SUPT3H: variants seen among roughly 807,000 people sequenced by gnomAD.
The protein encoded by SUPT3H is SPT3 homolog, SAGA and STAGA complex component.
In SUPT3H, 44 loss-of-function variants were observed where a neutral mutation model predicts 44.3. The ratio of observed to expected loss-of-function variants is 0.99; its 90% confidence interval spans 0.78 to 1.28. The LOEUF is 1.28. Ranked by LOEUF, SUPT3H falls within the 50% of genes most tolerant of loss-of-function variation. The probability of loss-of-function intolerance (pLI) is 0.00; values close to 1 mark genes in which losing one functional copy is unlikely to be tolerated. For synonymous variants in SUPT3H, 124 were observed against 125.6 expected (o/e 0.99, Z 0.09); for missense variants, 380 against 387.1 (o/e 0.98, Z 0.15).
chr6:45,184,826 A>G (rs1205041911), intron 2 of SUPT3H, among the ~76,000 whole-genome samples: 1 of 150,886 alleles, frequency 6.6e-6, no homozygotes, highest in Non-Finnish European at 1.5e-5. Context: ...CCTGTTCCTA[A>G]CTAGCAAAGC....
chr6:44,972,557 C>T (rs1031050355), intron 6 of SUPT3H, among the ~76,000 whole-genome samples: 2 of 152,212 alleles, frequency 1.3e-5, no homozygotes, highest in African/African-American at 4.8e-5. Flanking sequence ...GGCCCTTTTA[C>T]AGCTCTACTA....
intron 2 of SUPT3H, among the ~76,000 whole-genome samples, chr6:45,178,644 A>G (rs922364225): frequency 7.9e-4 from 120 of 152,280 alleles, no homozygotes; most frequent in Non-Finnish European, 1.0e-3. Flanking sequence ...ACCTGTTCCA[A>G]AATTGACCAC....
chr6:44,904,493 C>T (rs1273842986), intron 10 of SUPT3H, among the ~76,000 whole-genome samples: 2 of 152,108 alleles, frequency 1.3e-5, no homozygotes, highest in East Asian at 1.9e-4. Context: ...AGGAGAAGTA[C>T]AAACCACTGC....
At chr6:45,019,047 G>T (rs1784727353) in intron 4 of SUPT3H, among the ~76,000 whole-genome samples, 1 of 152,176 alleles carries the variant, frequency 6.6e-6, no homozygotes, top group Non-Finnish European at 1.5e-5. Flanking sequence ...TCTATTCAGA[G>T]ATTCAACTTC....
chr6:44,930,119 C>CT lies in SUPT3H; in HGVS notation c.912+2533dup, dbSNP rs201440773. On this transcript the variant is annotated intron_variant, in intron 10 of 10. Coordinates refer to ENST00000371459, the MANE Select transcript of SUPT3H (RefSeq NM_003599.4). ...TTAGGCTGGGCGAGGTGGCTCACGC[C>CT]TGTAATCCCAGCACTTTGGGAGGCT... is the stretch of plus-strand genomic sequence containing the variant. 5.3e-3 allele frequency among the ~76,000 whole-genome samples: 814 copies of CT among 152,230 alleles called. 8 individuals carry two copies. The highest frequency in any genetic ancestry group is 0.019 in the African/African-American group (770 of 41,530).
intron 3 of SUPT3H, among the ~76,000 whole-genome samples, chr6:45,044,559 A>G (rs1789077698): frequency 6.6e-6 from 1 of 152,158 alleles, no homozygotes; most frequent in South Asian, 2.1e-4. Flanking sequence ...CAGTCAATAT[A>G]TTACTTATTG....
chr6:44,930,644 G>C (rs1315749902), intron 10 of SUPT3H, among the ~76,000 whole-genome samples: 4 of 151,916 alleles, frequency 2.6e-5, no homozygotes, highest in African/African-American at 9.7e-5. Context: ...GAAAATGGAG[G>C]AGACCTTTCC....
chr6:44,905,001 C>A (rs1028107191), intron 10 of SUPT3H, among the ~76,000 whole-genome samples: 1 of 152,120 alleles, frequency 6.6e-6, no homozygotes, highest in Non-Finnish European at 1.5e-5. Flanking sequence ...CTTCCTTACA[C>A]CTTATACAAA....
chr6:45,252,531 G>A (rs942310564), intron 2 of SUPT3H, among the ~76,000 whole-genome samples: 8 of 151,798 alleles, frequency 5.3e-5, no homozygotes, highest in Non-Finnish European at 1.0e-4. Context: ...CTGTTCTGGC[G>A]CTGCAGTTCT....
intron 2 of SUPT3H, among the ~76,000 whole-genome samples, chr6:45,332,459 T>C (rs1463392063): frequency 6.6e-6 from 1 of 151,844 alleles, no homozygotes; most frequent in Admixed American, 6.6e-5. Context: ...CGTGCATACT[T>C]GAAAATTGAC....
intron 10 of SUPT3H, among the ~76,000 whole-genome samples, chr6:44,859,256 C>T (rs1039902018): frequency 6.6e-6 from 1 of 152,056 alleles, no homozygotes; most frequent in Non-Finnish European, 1.5e-5. Flanking sequence ...TAGACTAATC[C>T]AAAGCTATGT....
intron 2 of SUPT3H, among the ~76,000 whole-genome samples, chr6:45,171,154 T>A (rs1179422969): frequency 2.6e-5 from 4 of 152,204 alleles, no homozygotes; most frequent in Non-Finnish European, 5.9e-5. Flanking sequence ...TGTCCAAATT[T>A]CTGAAATGTA....
intron 2 of SUPT3H, among the ~76,000 whole-genome samples, chr6:45,330,243 A>G (rs1053724016): frequency 1.3e-4 from 19 of 151,956 alleles, no homozygotes; most frequent in African/African-American, 3.1e-4. Context: ...ACCAAGTATT[A>G]CTCTAAAAAC....
chr6:45,175,642 C>T (rs1189191858), intron 2 of SUPT3H, among the ~76,000 whole-genome samples: 1 of 151,970 alleles, frequency 6.6e-6, no homozygotes, highest in Non-Finnish European at 1.5e-5. Flanking sequence ...AATAAACTAA[C>T]AGATTTTGAA....
At chr6:45,027,303 T>C (rs1786187890) in intron 3 of SUPT3H, among the ~76,000 whole-genome samples, 1 of 152,124 alleles carries the variant, frequency 6.6e-6, no homozygotes, top group African/African-American at 2.4e-5. Context: ...ACTGGATTGT[T>C]GTTTTCTTGA....
chr6:45,300,065 T>A (rs2149917794), intron 2 of SUPT3H, among the ~76,000 whole-genome samples: 1 of 152,300 alleles, frequency 6.6e-6, no homozygotes, highest in East Asian at 1.9e-4. Context: ...GCCCCAATTA[T>A]CTTTTCTTAC....
intron 10 of SUPT3H, among the ~76,000 whole-genome samples, chr6:44,907,151 C>T (rs763879811): frequency 6.6e-6 from 1 of 152,038 alleles, no homozygotes; most frequent in Middle Eastern, 3.2e-3. Context: ...GTTTTTTACT[C>T]CAGAGTGTAA....
At chr6:45,082,203 C>A (rs1162988741) in intron 3 of SUPT3H, among the ~76,000 whole-genome samples, 1 of 152,098 alleles carries the variant, frequency 6.6e-6, no homozygotes, top group African/African-American at 2.4e-5. Flanking sequence ...CAGCTGAACT[C>A]TACCAGACAT....
intron 3 of SUPT3H, among the ~76,000 whole-genome samples, chr6:45,061,852 C>CA (rs1394503299): frequency 6.7e-6 from 1 of 149,960 alleles, no homozygotes; most frequent in African/African-American, 2.5e-5. Context: ...AGTTACACCC[C>CA]AAAATCAATT....
Sources: gnomAD v4.1 joint callset for allele counts (sites outside exome capture counted in the v4.1 genomes callset) on GRCh38, gnomAD v4.1.1 for gene constraint, MANE v1.5 for transcripts, NCBI Gene and HGNC (gene_info 2026-07-23, HGNC 2026-07-21) for gene names.